The following ABLIM3 variants were observed in gnomAD, a reference collection of about 807,000 sequenced individuals.
ABLIM3 encodes actin binding LIM protein family member 3, also known as actin-binding LIM protein 3.
In ABLIM3, 61 loss-of-function variants were observed where a neutral mutation model predicts 109.5. The ratio of observed to expected loss-of-function variants is 0.56; its 90% CI spans 0.45 to 0.69. The LOEUF is 0.69. Among genes scored for constraint, ABLIM3 ranks in the 30% least tolerant of loss-of-function variants. ABLIM3 has a pLI of 0.00. For synonymous variants in ABLIM3, 300 were observed against 324.8 expected (o/e 0.92, Z 0.82); for missense variants, 796 against 889.5 (o/e 0.89, Z 1.34).
intron 2 of ABLIM3, among the ~76,000 whole-genome samples, chr5:149,159,049 AT>A (rs1754096387): frequency 6.6e-6 from 1 of 152,244 alleles, no homozygotes; most frequent in Non-Finnish European, 1.5e-5. Context: ...CGATAAAAAC[AT>A]ATATCTGCAA....
At chr5:149,168,585 A>G (rs1481458468) in intron 2 of ABLIM3, among the ~76,000 whole-genome samples, 1 of 152,236 alleles carries the variant, frequency 6.6e-6, no homozygotes, top group Non-Finnish European at 1.5e-5. Flanking sequence ...CAACAACTTT[A>G]GAAAAGAAAA....
chr5:149,209,592 T>C (rs1341216123), intron 6 of ABLIM3, among the ~76,000 whole-genome samples: 2 of 152,182 alleles, frequency 1.3e-5, no homozygotes, highest in Non-Finnish European at 1.5e-5. Context: ...CAAAAGAGAT[T>C]GTGTTGGCAT....
At chr5:149,160,880 C>G (rs963650951) in intron 2 of ABLIM3, among the ~76,000 whole-genome samples, 2 of 152,190 alleles carry the variant, frequency 1.3e-5, no homozygotes, top group Admixed American at 1.3e-4. Context: ...TCTCCAGGGC[C>G]CTCCTCATCC....
At chr5:149,200,991 G>C (rs1758433199) in intron 5 of ABLIM3, among the ~76,000 whole-genome samples, 1 of 152,156 alleles carries the variant, frequency 6.6e-6, no homozygotes, top group South Asian at 2.1e-4. Flanking sequence ...TAAGCTTCCT[G>C]GGTGATTCAT....
At chr5:149,248,963 G>C (rs980125841) in intron 18 of ABLIM3, among the ~76,000 whole-genome samples, 1 of 151,590 alleles carries the variant, frequency 6.6e-6, no homozygotes, top group South Asian at 2.1e-4. Context: ...TCTCATCTCG[G>C]ATCAATACAT....
At chr5:149,158,882 A>G (rs182048368) in intron 2 of ABLIM3, among the ~76,000 whole-genome samples, 93 of 152,326 alleles carry the variant, frequency 6.1e-4, no homozygotes, top group African/African-American at 2.2e-3. Context: ...GTTAAATGCA[A>G]ATTAAAACCA....
rs984646252 is a variant in ABLIM3 at position 149,242,511 on chromosome 5, C to T, written c.1324C>T (p.Arg442Trp). 19 of 1,613,944 alleles carry T rather than the reference C, an allele frequency of 1.2e-5. No individual in the cohort carries two copies. Among genetic ancestry groups the T allele is most frequent in the African/African-American group, 8.0e-5 (6 of 74,870 alleles). The change falls in exon 15 of 24, where the codon CGG becomes TGG. Residue 442 changes from arginine to tryptophan, a missense_variant. By Grantham distance (101) the Arg-to-Trp change is moderately radical. Transcript: ENST00000309868. ...GGCAGCTGGAGACAGTAACATCTAC[C>T]GGAAACCCCCGATCTACAAACGGCA... is the stretch of plus-strand genomic sequence containing the variant. ...HIPAGDSNIY[R>W]KPPIYKRHGD...
intron 2 of ABLIM3, among the ~76,000 whole-genome samples, chr5:149,150,670 A>G (rs17708703): frequency 0.022 from 3,343 of 152,334 alleles, 55 homozygotes; most frequent in Non-Finnish European, 0.036. Flanking sequence ...CTATTACCCA[A>G]CTTTAGGCAG....
At chr5:149,243,454 A>G (rs1229559450) in intron 15 of ABLIM3, 1 of 152,238 alleles carries the variant, frequency 6.6e-6, no homozygotes, top group African/African-American at 2.4e-5. Context: ...TAACAAAAGG[A>G]GGCCCAGAAT....
At chr5:149,190,511 C>T (rs1295986714) in intron 3 of ABLIM3, among the ~76,000 whole-genome samples, 1 of 152,044 alleles carries the variant, frequency 6.6e-6, no homozygotes, top group African/African-American at 2.4e-5. Context: ...GAAGCCTCTT[C>T]TCTACAAAAA....
intron 10 of ABLIM3, among the ~76,000 whole-genome samples, chr5:149,235,425 G>T (rs1228293776): frequency 6.6e-6 from 1 of 152,206 alleles, no homozygotes; most frequent in East Asian, 1.9e-4. Context: ...ATCATCTTCA[G>T]GTGGTTTGGC....
At chr5:149,193,309 A>G (rs1453276683) in intron 3 of ABLIM3, among the ~76,000 whole-genome samples, 1 of 152,106 alleles carries the variant, frequency 6.6e-6, no homozygotes, top group Non-Finnish European at 1.5e-5. Context: ...CAGAATAAAT[A>G]TAGAAAAAAA....
At chr5:149,242,580 G>C (rs199572522) in intron 15 of ABLIM3, 42 bp downstream of exon 15, 5 of 1,609,160 alleles carry the variant, frequency 3.1e-6, no homozygotes, top group Admixed American at 3.3e-5. Flanking sequence ...ACAAGGAGAG[G>C]GGGGAGGTTA....
chr5:149,224,538 A>T (rs1420526640), intron 8 of ABLIM3, among the ~76,000 whole-genome samples: 1 of 152,170 alleles, frequency 6.6e-6, no homozygotes, highest in East Asian at 1.9e-4. Context: ...GCTTCTGTTC[A>T]GTGACTCCAC....
chr5:149,247,642 A>G, intron 17 of ABLIM3, 140 bp from the exon 18 acceptor site: 2 of 1,087,926 alleles, frequency 1.8e-6, no homozygotes, highest in East Asian at 5.1e-5. Context: ...TGGGTGCCAC[A>G]AGGTGGGAGG....
In ABLIM3 at chr5:149,210,833, A is replaced by G; in HGVS notation, c.669+14A>G. The G allele has an allele frequency of 6.2e-7, 1 of 1,612,050 alleles. No homozygotes were observed. Among genetic ancestry groups the G allele is most frequent in the Non-Finnish European group, 8.5e-7 (1 of 1,178,122 alleles). ...AGAGTCTTGGAGGTGAGTGGGTATA[A>G]GTAACCGTGAAGATGTGGCAGGGTG... is the stretch of plus-strand genomic sequence containing the variant. On this transcript the variant is annotated intron_variant, in intron 7 of 23. Transcript: ENST00000309868.
chr5:149,232,160 G>A (rs1404140109), intron 9 of ABLIM3, among the ~76,000 whole-genome samples: 1 of 152,156 alleles, frequency 6.6e-6, no homozygotes, highest in Non-Finnish European at 1.5e-5. Flanking sequence ...ACAAAAATTA[G>A]CTGGATGTGG....
intron 2 of ABLIM3, among the ~76,000 whole-genome samples, chr5:149,168,056 C>T (rs987821212): frequency 2.0e-5 from 3 of 152,316 alleles, no homozygotes; most frequent in Non-Finnish European, 2.9e-5. Context: ...ATAGCACACG[C>T]ACACATACAC....
At chr5:149,192,637 G>GAAAAAAAAAAAAA (rs767252934) in intron 3 of ABLIM3, among the ~76,000 whole-genome samples, 1 of 101,226 alleles carries the variant, frequency 9.9e-6, no homozygotes, top group African/African-American at 3.4e-5. Context: ...AAAAAAAAAA[G>GAAAAAAAAAAAAA]AAAAAAAAAA....
Sources: allele counts gnomAD v4.1 joint callset (sites outside exome capture counted in the v4.1 genomes callset), GRCh38; gene constraint gnomAD v4.1.1; transcripts MANE v1.5; gene names NCBI Gene and HGNC (gene_info 2026-07-23, HGNC 2026-07-21).